KIF5C: variants seen among roughly 807,000 people sequenced by gnomAD.
KIF5C encodes kinesin heavy chain isoform 5C.
A neutral mutation model predicts 125.2 loss-of-function variants in KIF5C; 18 were observed. The observed-to-expected ratio is 0.14, with a 90% CI of 0.10 to 0.21. The LOEUF is 0.21. KIF5C is among the 10% of genes least tolerant of loss of function. KIF5C has a pLI of 1.00. For synonymous variants in KIF5C, 405 were observed against 434.0 expected, an observed-to-expected ratio of 0.93 and a Z score of 0.83; for missense variants, 780 against 1,183.8, an observed-to-expected ratio of 0.66 and a Z score of 5.01.
chr2:148,905,834 C>T (rs781713439), intron 1 of KIF5C, among the ~76,000 whole-genome samples: 17 of 152,030 alleles, frequency 1.1e-4, no homozygotes, highest in Non-Finnish European at 2.4e-4. Flanking sequence ...GGGGAGGCCT[C>T]GCAATCATGG....
rs1021938632 is a variant in KIF5C at position 149,009,083 on chromosome 2, G to A, written c.2550+1016G>A. ...CTGCTCAGTGCAACCTCTGCCTCCT[G>A]GGTTCAAGAGATTCTCCTGCCTCAG... On this transcript the variant is annotated intron_variant, in intron 23 of 25. Coordinates refer to ENST00000435030, the MANE Select transcript of KIF5C (RefSeq NM_004522.3). Among the ~76,000 whole-genome samples the A allele has an allele frequency of 3.3e-5, 5 of 149,256 alleles. 1 individual carries two copies. The Admixed American group carries it at 3.4e-4, about 10-fold the overall frequency.
chr2:148,917,054 C>A (rs1681584163), intron 1 of KIF5C, among the ~76,000 whole-genome samples: 1 of 152,202 alleles, frequency 6.6e-6, no homozygotes, highest in Admixed American at 6.5e-5. Context: ...TCTGTCTTTC[C>A]CTAGCCTCTG....
At chr2:148,887,149 C>T (rs1435694193) in intron 1 of KIF5C, among the ~76,000 whole-genome samples, 8 of 152,048 alleles carry the variant, frequency 5.3e-5, no homozygotes, top group Non-Finnish European at 1.0e-4. Flanking sequence ...AAATATTTTA[C>T]TAATATTTAA....
intron 11 of KIF5C, among the ~76,000 whole-genome samples, chr2:148,971,912 G>T (rs1035178230): frequency 3.9e-5 from 6 of 152,028 alleles, no homozygotes; most frequent in African/African-American, 1.4e-4. Context: ...TGAAATCTCA[G>T]TTACTCTATT....
intron 21 of KIF5C, among the ~76,000 whole-genome samples, chr2:149,004,766 G>C (rs1441515039): frequency 6.6e-6 from 1 of 152,168 alleles, no homozygotes; most frequent in African/African-American, 2.4e-5. Context: ...GATCTTGACA[G>C]CAATGATAAG....
chr2:148,912,998 T>C (rs1681401959), intron 1 of KIF5C, among the ~76,000 whole-genome samples: 1 of 152,234 alleles, frequency 6.6e-6, no homozygotes, highest in Admixed American at 6.5e-5. Flanking sequence ...GGGAGTGGCA[T>C]GTTAAATACC....
rs200544640 is a variant in KIF5C at position 149,015,193 on chromosome 2, C to CAT, written c.*7+3520_*7+3521dup. Among the ~76,000 whole-genome samples, 55 of 152,132 alleles carry CAT rather than the reference C, an allele frequency of 3.6e-4. No homozygotes were observed. In the East Asian group the frequency reaches 8.7e-3, roughly 24 times the overall value. On this transcript the variant is annotated intron_variant, in intron 25 of 25. Transcript: ENST00000435030. ...ACAAAGTGAGAGCCTATCTAAAAAA[C>CAT]ATATATATATAATTTACTTATCTAC...
At chr2:148,897,328 C>T (rs1378872379) in intron 1 of KIF5C, among the ~76,000 whole-genome samples, 1 of 152,066 alleles carries the variant, frequency 6.6e-6, no homozygotes, top group Non-Finnish European at 1.5e-5. Flanking sequence ...TGAACCAGCA[C>T]ATAGTAGACT....
chr2:148,890,199 T>G (rs1681666309), intron 1 of KIF5C, among the ~76,000 whole-genome samples: 1 of 152,068 alleles, frequency 6.6e-6, no homozygotes, highest in Non-Finnish European at 1.5e-5. Context: ...ATAGAGACAC[T>G]TTTTGCATAC....
At chr2:148,879,720 T>G (rs1314204005) in intron 1 of KIF5C, 1 of 152,256 alleles carries the variant, frequency 6.6e-6, no homozygotes, top group Non-Finnish European at 1.5e-5. Context: ...GCAACTGTAT[T>G]AATGGAAGCT....
rs1236521413 is a variant in KIF5C, at chr2:148,922,171, C to A, written c.161C>A (p.Pro54His). ...GKPYVFDRVL[P>H]PNTTQEQVYN... Reference sequence around the variant, plus strand: ...CCATATGTCTTCGACAGAGTGCTACCTCCCAACACGACCCAAGAGCAGGTT... The same window carrying A: ...CCATATGTCTTCGACAGAGTGCTACATCCCAACACGACCCAAGAGCAGGTT... Residue 54 changes from proline to histidine, a missense_variant, in exon 2 of 26, where the codon CCT becomes CAT. By Grantham distance (77) the Pro-to-His change is moderately conservative. This residue lies in a region of KIF5C where 207 missense variants were observed against 441.2 expected (regional missense o/e 0.47). Transcript: ENST00000435030. The A allele has an allele frequency of 6.2e-7, 1 of 1,613,172 alleles. No homozygotes were observed. The highest frequency in any genetic ancestry group is 2.2e-5 in the East Asian group (1 of 44,854).
intron 18 of KIF5C, 140 bp downstream of exon 18, chr2:148,997,480 A>G: frequency 1.4e-6 from 2 of 1,456,202 alleles, no homozygotes; most frequent in Non-Finnish European, 1.9e-6. Flanking sequence ...GGGCATTCAG[A>G]GTCGATCTCA....
chr2:148,895,742 A>C (rs915125881), intron 1 of KIF5C, among the ~76,000 whole-genome samples: 1 of 152,098 alleles, frequency 6.6e-6, no homozygotes, highest in Non-Finnish European at 1.5e-5. Context: ...TTGAAAGCCC[A>C]AGATCGAGGT....
chr2:148,912,814 G>A (rs1453310461), intron 1 of KIF5C, among the ~76,000 whole-genome samples: 1 of 152,148 alleles, frequency 6.6e-6, no homozygotes, highest in Admixed American at 6.5e-5. Context: ...TTGCTACTGT[G>A]GGTCAAATGT....
intron 1 of KIF5C, chr2:148,883,569 T>C (rs914847752): frequency 6.6e-5 from 10 of 152,212 alleles, no homozygotes; most frequent in Admixed American, 1.3e-4. Flanking sequence ...TTGTATATTC[T>C]AGTTCTTTTC....
intron 2 of KIF5C, among the ~76,000 whole-genome samples, chr2:148,923,258 G>T (rs1382625041): frequency 6.6e-6 from 1 of 152,172 alleles, no homozygotes; most frequent in Non-Finnish European, 1.5e-5. Flanking sequence ...TCAGCTCTGG[G>T]TACATCTGTT....
chr2:148,956,237 C>T (rs1003043298), intron 10 of KIF5C, among the ~76,000 whole-genome samples: 5 of 147,540 alleles, frequency 3.4e-5, no homozygotes, highest in African/African-American at 1.3e-4. Flanking sequence ...GGAAGCTGGC[C>T]ATGTGCTTCT....
At chr2:148,957,798 T>A (rs190341739) in intron 10 of KIF5C, among the ~76,000 whole-genome samples, 162 of 152,226 alleles carry the variant, frequency 1.1e-3, no homozygotes, top group Non-Finnish European at 2.0e-3. Context: ...AATTTTTTTT[T>A]ATAAATATAT....
At chr2:149,000,951 G>A (rs1681832550) in intron 21 of KIF5C, among the ~76,000 whole-genome samples, 169 bp downstream of exon 21, 1 of 152,212 alleles carries the variant, frequency 6.6e-6, no homozygotes, top group African/African-American at 2.4e-5. Flanking sequence ...ACTTTTCACA[G>A]AATCAGTCAA....
Sources: gnomAD v4.1 joint callset for allele counts (sites outside exome capture counted in the v4.1 genomes callset) on GRCh38, gnomAD v4.1.1 for gene constraint, gnomAD v4.1.1 regional missense constraint, MANE v1.5 for transcripts, NCBI Gene and HGNC (gene_info 2026-07-23, HGNC 2026-07-21) for gene names.